The following GLUD1 variants were observed in gnomAD, a reference collection of about 807,000 sequenced individuals.
GLUD1 encodes the protein glutamate dehydrogenase 1.
In GLUD1, 22 loss-of-function variants were observed where a neutral mutation model predicts 56.0. The ratio of observed to expected loss-of-function variants is 0.39; its 90% CI spans 0.28 to 0.56. The LOEUF (loss-of-function observed/expected upper bound fraction) is 0.56. Ranked by LOEUF, GLUD1 falls within the 20% of genes least tolerant of loss-of-function variation. GLUD1 has a pLI of 0.58. For synonymous variants in GLUD1, 223 were observed against 269.9 expected (o/e 0.83, Z 1.70); for missense variants, 451 against 732.0 (o/e 0.62, Z 4.43).
At chr10:87,085,467 A>AT (rs1352288310) in intron 1 of GLUD1, among the ~76,000 whole-genome samples, 6 of 152,002 alleles carry the variant, frequency 3.9e-5, no homozygotes, top group Admixed American at 1.3e-4. Flanking sequence ...TAAATCTTTT[A>AT]TTTTAACCTG....
intron 5 of GLUD1, among the ~76,000 whole-genome samples, chr10:87,066,898 G>GCA: frequency 6.6e-6 from 1 of 152,130 alleles, no homozygotes; most frequent in Non-Finnish European, 1.5e-5. Context: ...TCAGTTCTGT[G>GCA]GTACTACCTC....
chr10:87,056,032 C>T (rs1845762422), intron 11 of GLUD1, among the ~76,000 whole-genome samples: 2 of 136,850 alleles, frequency 1.5e-5, no homozygotes, highest in African/African-American at 5.4e-5. Context: ...AGGAGAATTG[C>T]TTGAACCTGG....
chr10:87,052,013 T>C (rs1163211209), intron 12 of GLUD1, 143 bp from the exon 13 acceptor site: 63 of 904,808 alleles, frequency 7.0e-5, no homozygotes, highest in Non-Finnish European at 3.6e-6. Context: ...CAAACTACTC[T>C]AGCAGCAGAA....
intron 5 of GLUD1, among the ~76,000 whole-genome samples, chr10:87,063,846 C>T (rs925224490): frequency 1.3e-5 from 2 of 151,854 alleles, no homozygotes; most frequent in Non-Finnish European, 2.9e-5. Flanking sequence ...TGGGGGTTAA[C>T]AGTCTTCACC....
In GLUD1 at chr10:87,094,268, G is replaced by A; in HGVS notation, c.445+57C>T. The A allele has an allele frequency of 6.5e-7, 1 of 1,542,514 alleles. No individual in the cohort carries two copies. The highest frequency in any genetic ancestry group is 1.2e-5 in the South Asian group (1 of 84,638). ...GCGGCCCCGCACCGGCAGGAGGCCG[G>A]AGGGGAGGGCCGCAGGGGAGGCAGG... is the stretch of plus-strand genomic sequence containing the variant. On this transcript the variant is annotated intron_variant, in intron 1 of 12. Coordinates refer to ENST00000277865, the MANE Select transcript of GLUD1 (RefSeq NM_005271.5). The surrounding 1 kb of genome is among the most constrained non-coding windows in gnomAD (Gnocchi z 6.6).
chr10:87,074,412 A>T, intron 4 of GLUD1, 139 bp downstream of exon 4: 1 of 670,884 alleles, frequency 1.5e-6, no homozygotes, highest in Non-Finnish European at 2.7e-6. Flanking sequence ...GAGACAAGAG[A>T]ATTGCTTGAA....
intron 1 of GLUD1, among the ~76,000 whole-genome samples, chr10:87,080,572 G>A (rs1014194765): frequency 9.2e-5 from 14 of 151,778 alleles, no homozygotes; most frequent in Admixed American, 6.6e-5. Flanking sequence ...GCGATGTGGG[G>A]AGCGCCTTTG....
chr10:87,093,146 CAA>C (rs1181813789), intron 1 of GLUD1, among the ~76,000 whole-genome samples: 3 of 152,152 alleles, frequency 2.0e-5, no homozygotes, highest in Non-Finnish European at 2.9e-5. Context: ...CAGCACCGCT[CAA>C]GTTTTTTCCG....
Position 87,059,286 on chromosome 10 carries a change from A to G in GLUD1, c.1279-13T>C, listed in dbSNP as rs1845868484. The G allele has an allele frequency of 6.2e-7, 1 of 1,613,190 alleles. No homozygotes were observed. Among genetic ancestry groups the G allele is most frequent in the Non-Finnish European group, 8.5e-7 (1 of 1,179,142 alleles). ...TCAAGTAGAGATCCTATGCACAAAA[A>G]TAAGACAAAGAAATTAGAAGATGAT... is the stretch of plus-strand genomic sequence containing the variant. On this transcript the variant is annotated splice_polypyrimidine_tract_variant and intron_variant, in intron 9 of 12. Coordinates refer to ENST00000277865, the MANE Select transcript of GLUD1 (RefSeq NM_005271.5).
intron 1 of GLUD1, among the ~76,000 whole-genome samples, chr10:87,082,357 A>C (rs1324397256): frequency 6.6e-6 from 1 of 152,258 alleles, no homozygotes; most frequent in Non-Finnish European, 1.5e-5. Context: ...CGCTGGATGG[A>C]ACCCAGGAAT....
At chr10:87,076,443 A>G in intron 2 of GLUD1, 133 bp downstream of exon 2, 1 of 707,034 alleles carries the variant, frequency 1.4e-6, no homozygotes, top group South Asian at 1.6e-5. Flanking sequence ...AAAATGATGC[A>G]GGTCTTAAAG....
chr10:87,073,610 CTTTTTTTTTT>C (rs71019462), intron 4 of GLUD1, among the ~76,000 whole-genome samples: 2 of 74,140 alleles, frequency 2.7e-5, no homozygotes, highest in African/African-American at 1.1e-4. Flanking sequence ...AATTAACATT[CTTTTTTTTTT>C]TTTTTTTTTT....
Position 87,094,245 on chromosome 10 carries a change from G to T in GLUD1, c.445+80C>A. 6.6e-7 allele frequency: 1 copy of T among 1,508,728 alleles called. No homozygotes were observed. Among genetic ancestry groups the T allele is most frequent in the East Asian group, 2.5e-5 (1 of 40,594 alleles). The allele number at this position is 1,508,728 out of a possible 1,614,324, so 93.5% of individuals were successfully genotyped here. ...GCTGGGCTGGGCTGGGCTGAGCAGC[G>T]GCCCCGCACCGGCAGGAGGCCGGAG... On this transcript the variant is annotated intron_variant, in intron 1 of 12. Transcript: ENST00000277865. The surrounding 1 kb of genome is among the most constrained non-coding windows in gnomAD (Gnocchi z 6.6).
chr10:87,087,117 C>T (rs1841402547), intron 1 of GLUD1, among the ~76,000 whole-genome samples: 1 of 152,186 alleles, frequency 6.6e-6, no homozygotes, highest in African/African-American at 2.4e-5. Context: ...GTTCCCATGG[C>T]CCCCTCCTCA....
At chr10:87,062,181 G>C (rs1845956075) in intron 6 of GLUD1, among the ~76,000 whole-genome samples, 1 of 152,222 alleles carries the variant, frequency 6.6e-6, no homozygotes. Context: ...GCCTCCCAAA[G>C]TGCTGGGAAT....
intron 4 of GLUD1, among the ~76,000 whole-genome samples, chr10:87,068,594 A>AG (rs1276247334): frequency 6.6e-6 from 1 of 152,196 alleles, no homozygotes; most frequent in African/African-American, 2.4e-5. Context: ...CATGCTGCTT[A>AG]GTGGGGGTAT....
At chr10:87,053,078 C>T (rs764525603) in intron 12 of GLUD1, among the ~76,000 whole-genome samples, 2 of 152,224 alleles carry the variant, frequency 1.3e-5, no homozygotes, top group Non-Finnish European at 2.9e-5. Context: ...TGGCTAACTA[C>T]TCCATACTGG....
chr10:87,052,087 C>T (rs1387429705), intron 12 of GLUD1, among the ~76,000 whole-genome samples: 1 of 152,168 alleles, frequency 6.6e-6, no homozygotes, highest in African/African-American at 2.4e-5. Context: ...CGGTGGCTCA[C>T]GCCTGTAATC....
At chr10:87,091,970 T>C (rs1350589288) in intron 1 of GLUD1, among the ~76,000 whole-genome samples, 1 of 152,154 alleles carries the variant, frequency 6.6e-6, no homozygotes, top group Non-Finnish European at 1.5e-5. Context: ...TCATAGGGAT[T>C]ATCCAAAGCA....
Sources: allele counts gnomAD v4.1 joint callset (sites outside exome capture counted in the v4.1 genomes callset), GRCh38; gene constraint gnomAD v4.1.1; non-coding constraint Gnocchi (gnomAD v3.1); transcripts MANE v1.5; gene names NCBI Gene and HGNC (gene_info 2026-07-23, HGNC 2026-07-21).